OSBPL8: variants seen among roughly 807,000 people sequenced by gnomAD.
The protein encoded by OSBPL8 is oxysterol-binding protein-related protein 8.
Under a neutral mutation model 125.5 loss-of-function variants are expected in OSBPL8, and 59 were observed. That is an observed-to-expected ratio of 0.47 (90% CI 0.38 to 0.58). The LOEUF (loss-of-function observed/expected upper bound fraction) is 0.58, where lower values mean the gene tolerates loss of function less well. Among genes scored for constraint, OSBPL8 ranks in the 20% least tolerant of loss-of-function variants. The pLI is 0.00. For synonymous variants in OSBPL8, 330 were observed against 338.9 expected (o/e 0.97, Z 0.29); for missense variants, 758 against 1,047.8 (o/e 0.72, Z 3.82).
Position 76,354,703 on chromosome 12 carries a change from G to T in OSBPL8, c.*1186C>A, listed in dbSNP as rs1031694862. On this transcript the variant is annotated 3_prime_UTR_variant, in exon 24 of 24. Transcript: ENST00000261183. ...ACTGAAGAAACAAACAAAAAAATTT[G>T]CCTTAGCCTGAACAATAGGAATCTT... 1.3e-5 allele frequency: 2 copies of T among 151,870 alleles called. No individual in the cohort carries two copies. The highest frequency in any genetic ancestry group is 2.9e-5 in the Non-Finnish European group (2 of 67,820). 9.4% of individuals were successfully genotyped at this position (151,870 alleles called of 1,614,324 possible).
chr12:76,410,506 C>T, intron 5 of OSBPL8, 58 bp downstream of exon 5: 1 of 1,249,770 alleles, frequency 8.0e-7, no homozygotes, highest in East Asian at 2.3e-5. Flanking sequence ...AGTGTTAGTT[C>T]CCTCATCTCA....
At chr12:76,554,904 C>A (rs752799237) in intron 1 of OSBPL8, among the ~76,000 whole-genome samples, 34 of 152,088 alleles carry the variant, frequency 2.2e-4, no homozygotes, top group Non-Finnish European at 4.3e-4. Context: ...TAATAAAATT[C>A]TCTTCCAAAT....
chr12:76,482,753 A>T (rs989790437), intron 2 of OSBPL8, among the ~76,000 whole-genome samples: 1 of 152,254 alleles, frequency 6.6e-6, no homozygotes, highest in African/African-American at 2.4e-5. Context: ...CATTTTGAGC[A>T]GTTAATTTCT....
intron 21 of OSBPL8, among the ~76,000 whole-genome samples, chr12:76,362,168 G>A (rs1952231046): frequency 6.6e-6 from 1 of 152,032 alleles, no homozygotes; most frequent in South Asian, 2.1e-4. Flanking sequence ...TCTAGAGTAG[G>A]TTCAAATTGG....
intron 4 of OSBPL8, among the ~76,000 whole-genome samples, chr12:76,414,615 C>T (rs950930059): frequency 6.7e-6 from 1 of 149,568 alleles, no homozygotes; most frequent in African/African-American, 2.5e-5. Flanking sequence ...CTAGGCCTGA[C>T]TTTTTTGTTG....
At chr12:76,478,349 A>T (rs1877061604) in intron 2 of OSBPL8, among the ~76,000 whole-genome samples, 1 of 152,302 alleles carries the variant, frequency 6.6e-6, no homozygotes, top group South Asian at 2.1e-4. Flanking sequence ...TACAAAAAAA[A>T]AATAATTTTT....
chr12:76,447,484 G>T (rs11836820), intron 4 of OSBPL8, among the ~76,000 whole-genome samples: 1 of 151,858 alleles, frequency 6.6e-6, no homozygotes, highest in African/African-American at 2.4e-5. Flanking sequence ...AAGTAATACC[G>T]CAAAGATGTA....
chr12:76,419,573 G>A (rs948931569), intron 4 of OSBPL8, among the ~76,000 whole-genome samples: 14 of 152,120 alleles, frequency 9.2e-5, no homozygotes, highest in Non-Finnish European at 1.6e-4. Context: ...CTCCAATGGG[G>A]AAAGGCTTGA....
chr12:76,434,012 T>A (rs1319418690), intron 4 of OSBPL8, among the ~76,000 whole-genome samples: 4 of 147,000 alleles, frequency 2.7e-5, no homozygotes, highest in African/African-American at 1.0e-4. Flanking sequence ...AAAACTCATA[T>A]GAAATCACAA....
At position 76,432,241 on chromosome 12, in the gene OSBPL8, G is replaced by A. The variant is rs559270389; in HGVS notation, c.217+18610C>T. ...AAATTACTAAAATTTGTGGAATGTA[G>A]CAAGAGCAGTACAAAAAGAGAAGTT... On this transcript the variant is annotated intron_variant, in intron 4 of 23. Transcript: ENST00000261183. 1.5e-3 allele frequency among the ~76,000 whole-genome samples: 225 copies of A among 152,264 alleles called. 1 individual carries two copies. Among genetic ancestry groups the A allele is most frequent in the African/African-American group, 5.2e-3 (218 of 41,548 alleles).
At chr12:76,556,700 A>G (rs931009868) in intron 1 of OSBPL8, among the ~76,000 whole-genome samples, 1 of 152,126 alleles carries the variant, frequency 6.6e-6, no homozygotes, top group South Asian at 2.1e-4. Flanking sequence ...GTCTTGCTCT[A>G]TCGCCCAGGC....
chr12:76,397,627 A>G (rs1953867214), intron 8 of OSBPL8, 67 bp downstream of exon 8: 1 of 1,432,676 alleles, frequency 7.0e-7, no homozygotes, highest in Admixed American at 1.9e-5. Flanking sequence ...CATTTGATTG[A>G]TGTATCTCAG....
intron 4 of OSBPL8, chr12:76,423,292 G>T (rs1385072750): frequency 2.0e-5 from 3 of 152,090 alleles, no homozygotes; most frequent in Non-Finnish European, 4.4e-5. Context: ...AAACATTTAA[G>T]TTTTGCCTCC....
chr12:76,413,936 G>A (rs1441779512), intron 4 of OSBPL8, among the ~76,000 whole-genome samples: 1 of 152,122 alleles, frequency 6.6e-6, no homozygotes, highest in Non-Finnish European at 1.5e-5. Flanking sequence ...TAATTTTCAT[G>A]TAGTCAAATT....
chr12:76,459,413 A>T (rs1874436965), intron 3 of OSBPL8, among the ~76,000 whole-genome samples: 1 of 152,226 alleles, frequency 6.6e-6, no homozygotes, highest in South Asian at 2.1e-4. Context: ...CTAAGGTAAA[A>T]CATGTTTCAC....
chr12:76,532,405 G>A (rs1432355235), intron 1 of OSBPL8, among the ~76,000 whole-genome samples: 3 of 151,938 alleles, frequency 2.0e-5, no homozygotes, highest in East Asian at 1.9e-4. Context: ...ATCTCCCTTC[G>A]TCACACACTG....
chr12:76,391,952 A>G (rs1043533858), intron 10 of OSBPL8, among the ~76,000 whole-genome samples: 5 of 152,176 alleles, frequency 3.3e-5, no homozygotes, highest in Non-Finnish European at 5.9e-5. Flanking sequence ...AGGAAATAGA[A>G]AAGTCTAATG....
At chr12:76,365,864 T>A (rs903086004) in intron 21 of OSBPL8, among the ~76,000 whole-genome samples, 1 of 152,190 alleles carries the variant, frequency 6.6e-6, no homozygotes, top group Non-Finnish European at 1.5e-5. Flanking sequence ...CCATGTGATT[T>A]TCCCCCCTCT....
intron 1 of OSBPL8, among the ~76,000 whole-genome samples, chr12:76,550,597 A>G (rs1950908531): frequency 6.6e-6 from 1 of 152,226 alleles, no homozygotes; most frequent in Non-Finnish European, 1.5e-5. Context: ...GCTTTAAAAA[A>G]CAAAAAAATC....
Sources: allele counts gnomAD v4.1 joint callset (sites outside exome capture counted in the v4.1 genomes callset), GRCh38; gene constraint gnomAD v4.1.1; transcripts MANE v1.5; gene names NCBI Gene and HGNC (gene_info 2026-07-23, HGNC 2026-07-21).